CNBD1: variants seen among roughly 807,000 people sequenced by gnomAD.
CNBD1 encodes the protein cyclic nucleotide-binding domain-containing protein 1.
Under a neutral mutation model 54.4 loss-of-function variants are expected in CNBD1, and 71 were observed. The ratio of observed to expected loss-of-function variants is 1.30; its 90% CI spans 1.08 to 1.59. The LOEUF is 1.59. Ranked by LOEUF, CNBD1 falls within the 40% of genes most tolerant of loss-of-function variation. The probability of loss-of-function intolerance (pLI) is 0.00; values close to 1 mark genes in which losing one functional copy is unlikely to be tolerated. For synonymous variants in CNBD1, 182 were observed against 170.7 expected (o/e 1.07, Z -0.51); for missense variants, 659 against 518.0 (o/e 1.27, Z -2.64).
intron 4 of CNBD1, among the ~76,000 whole-genome samples, chr8:86,985,938 G>A (rs1320859191): frequency 6.6e-6 from 1 of 151,870 alleles, no homozygotes; most frequent in Non-Finnish European, 1.5e-5. Flanking sequence ...ATTGTTGCTT[G>A]TTTTTTCCTG....
At chr8:87,319,902 C>T (rs10110391) in intron 8 of CNBD1, among the ~76,000 whole-genome samples, 57,504 of 151,774 alleles carry the variant, frequency 0.38, 11,174 homozygotes, top group Middle Eastern at 0.45. Flanking sequence ...GGATTTTGTC[C>T]TAAGTTCTTG....
chr8:87,275,086 A>T (rs1282107281), intron 6 of CNBD1, among the ~76,000 whole-genome samples: 3 of 135,472 alleles, frequency 2.2e-5, no homozygotes, highest in Admixed American at 7.1e-5. Context: ...ATAGCTGTAG[A>T]TATGCGGCGT....
Position 87,325,075 on chromosome 8 carries a change from A to G in CNBD1, c.1043-26610A>G, listed in dbSNP as rs1206779850. Among the ~76,000 whole-genome samples the G allele has an allele frequency of 2.0e-5, 2 of 97,854 alleles. 1 individual carries two copies. The highest frequency in any genetic ancestry group is 4.1e-5 in the Non-Finnish European group (2 of 49,110). The allele number at this position is 97,854 out of a possible 152,430, so 64.2% of individuals were successfully genotyped here. On this transcript the variant is annotated intron_variant, in intron 8 of 10. Coordinates refer to ENST00000518476, the MANE Select transcript of CNBD1 (RefSeq NM_173538.3). ...TTCGTTATGTACCCAGTAGTCATTC[A>G]GGAGCAGGTTGTTCAGTTTCCATGT...
At chr8:87,132,338 C>A (rs1017443099) in intron 4 of CNBD1, among the ~76,000 whole-genome samples, 1 of 151,430 alleles carries the variant, frequency 6.6e-6, no homozygotes, top group South Asian at 2.1e-4. Context: ...TGTGATAATA[C>A]CTAATGTGTG....
rs62526821 is a variant in CNBD1, at chr8:87,371,065, G to C, written c.1304-11555G>C. Among the ~76,000 whole-genome samples the C allele has an allele frequency of 6.7e-3, 989 of 147,824 alleles. 13 individuals are homozygous for C. Among genetic ancestry groups the C allele is most frequent in the African/African-American group, 0.021 (802 of 38,124 alleles). ...ATATGCGGCGTTATTTCTGAGGGCT[G>C]TGTTCTGTTCCATTGATCTATATCT... On this transcript the variant is annotated intron_variant, in intron 10 of 10. Transcript: ENST00000518476.
At chr8:87,295,245 G>C (rs192994928) in intron 8 of CNBD1, among the ~76,000 whole-genome samples, 44 of 151,762 alleles carry the variant, frequency 2.9e-4, no homozygotes, top group Non-Finnish European at 4.1e-4. Context: ...CACTGATTTT[G>C]TTTTCAATCA....
At chr8:87,224,376 G>T (rs1211229645) in intron 5 of CNBD1, among the ~76,000 whole-genome samples, 1 of 151,564 alleles carries the variant, frequency 6.6e-6, no homozygotes, top group African/African-American at 2.4e-5. Flanking sequence ...ATGGTTTTAG[G>T]TCTAATGTTT....
chr8:87,338,196 A>C (rs1448507467), intron 8 of CNBD1, among the ~76,000 whole-genome samples: 1 of 152,172 alleles, frequency 6.6e-6, no homozygotes, highest in African/African-American at 2.4e-5. Flanking sequence ...GAAATAATCT[A>C]TTCCCTCTCT....
At chr8:87,354,424 A>T (rs1250298557) in intron 10 of CNBD1, among the ~76,000 whole-genome samples, 1 of 151,718 alleles carries the variant, frequency 6.6e-6, no homozygotes, top group Non-Finnish European at 1.5e-5. Flanking sequence ...TTATTATTAT[A>T]CTTTAAGTTT....
intron 4 of CNBD1, among the ~76,000 whole-genome samples, chr8:87,100,745 G>A (rs1811413544): frequency 6.6e-6 from 1 of 152,096 alleles, no homozygotes; most frequent in Non-Finnish European, 1.5e-5. Flanking sequence ...AACGTGCTGG[G>A]ATTACAGGTG....
chr8:87,413,374 G>C (rs1273220829), intron 2 of CNBD1, among the ~76,000 whole-genome samples: 1 of 151,934 alleles, frequency 6.6e-6, no homozygotes, highest in South Asian at 2.1e-4. Context: ...TTAAAATATT[G>C]TTTAACTTTT....
chr8:87,155,849 C>A (rs1812723491), intron 4 of CNBD1, among the ~76,000 whole-genome samples: 1 of 152,102 alleles, frequency 6.6e-6, no homozygotes, highest in South Asian at 2.1e-4. Flanking sequence ...TACCCAGTAT[C>A]AATACTGAAT....
At chr8:87,388,710 C>T (rs1002212295) in intron 2 of CNBD1, among the ~76,000 whole-genome samples, 1 of 152,134 alleles carries the variant, frequency 6.6e-6, no homozygotes, top group Non-Finnish European at 1.5e-5. Flanking sequence ...GAAACTATTC[C>T]AATCAATAGA....
intron 4 of CNBD1, among the ~76,000 whole-genome samples, chr8:87,008,967 ATATAAT>A (rs1371739347): frequency 2.0e-5 from 3 of 152,110 alleles, no homozygotes; most frequent in African/African-American, 7.2e-5. Context: ...TTATTATTTA[ATATAAT>A]TATAATTTGG....
At chr8:87,379,974 C>G (rs905269259) in intron 10 of CNBD1, among the ~76,000 whole-genome samples, 10 of 151,790 alleles carry the variant, frequency 6.6e-5, no homozygotes, top group African/African-American at 2.4e-4. Flanking sequence ...GTGGTAAAAT[C>G]TAGATTATGA....
Position 87,260,295 on chromosome 8 carries a change from G to A in CNBD1, c.771+23183G>A, listed in dbSNP as rs143700935. On this transcript the variant is annotated intron_variant, in intron 6 of 10. Transcript: ENST00000518476. ...GTGGTTACAAGGTTAAGCTCTCAAA[G>A]ACATAAAACAAGATGGAGACCTCAT... Among the ~76,000 whole-genome samples the A allele has an allele frequency of 8.1e-3, 1,237 of 152,266 alleles. 14 individuals carry two copies. Among genetic ancestry groups the A allele is most frequent in the Non-Finnish European group, 0.011 (729 of 68,016 alleles).
At chr8:87,081,529 T>TG (rs1810992393) in intron 4 of CNBD1, among the ~76,000 whole-genome samples, 1 of 149,398 alleles carries the variant, frequency 6.7e-6, no homozygotes, top group African/African-American at 2.4e-5. Context: ...TTTTTTGAGA[T>TG]GGAGTCTTGC....
At chr8:87,036,076 G>C (rs759821491) in intron 4 of CNBD1, among the ~76,000 whole-genome samples, 1 of 152,186 alleles carries the variant, frequency 6.6e-6, no homozygotes, top group Admixed American at 6.5e-5. Context: ...TTGCTGTGGA[G>C]AAGGGGAGAT....
At chr8:87,365,364 T>C (rs564447473) in intron 10 of CNBD1, among the ~76,000 whole-genome samples, 11 of 152,168 alleles carry the variant, frequency 7.2e-5, no homozygotes, top group African/African-American at 2.4e-4. Flanking sequence ...TGCTTGTACA[T>C]TTGTTTAAGT....
Sources: allele counts gnomAD v4.1 joint callset (sites outside exome capture counted in the v4.1 genomes callset), GRCh38; gene constraint gnomAD v4.1.1; transcripts MANE v1.5; gene names NCBI Gene and HGNC (gene_info 2026-07-23, HGNC 2026-07-21).